The following ADAMTS2 variants were observed in gnomAD, a reference collection of about 807,000 sequenced individuals.
ADAMTS2 encodes A disintegrin and metalloproteinase with thrombospondin motifs 2.
ADAMTS2 carries 50 observed loss-of-function variants against 123.0 expected under a neutral mutation model. The observed-to-expected ratio is 0.41, with a 90% CI of 0.32 to 0.51. ADAMTS2 has a LOEUF of 0.51. Ranked by LOEUF, ADAMTS2 falls within the 20% of genes least tolerant of loss-of-function variation. ADAMTS2 has a pLI of 0.35. For missense variants in ADAMTS2, 1,494 were observed against 1,705.2 expected, an observed-to-expected ratio of 0.88 and a Z score of 2.18; for synonymous variants, 678 against 695.4, an observed-to-expected ratio of 0.98 and a Z score of 0.39.
At chr5:179,217,332 T>C (rs1367674349) in intron 3 of ADAMTS2, among the ~76,000 whole-genome samples, 4 of 152,248 alleles carry the variant, frequency 2.6e-5, no homozygotes, top group Non-Finnish European at 5.9e-5. Flanking sequence ...GCAACACTCA[T>C]GTTGCAAAAA....
rs1478945409 is a variant in ADAMTS2, at chr5:179,188,687, C to A, written c.892-7532G>T. On this transcript the variant is annotated intron_variant, in intron 4 of 21. Transcript: ENST00000251582. This position sits in a 1 kb window ranked among gnomAD's most constrained non-coding sequence, Gnocchi z 5.1. ...GTGGTCAGAGTCCCCTCCTTCAATA[C>A]CCAGCGCAGGAACACTCTGCCCAAG... 6.6e-6 allele frequency among the ~76,000 whole-genome samples: 1 copy of A among 152,118 alleles called. No homozygotes were observed. The highest frequency in any genetic ancestry group is 2.4e-5 in the African/African-American group (1 of 41,418).
intron 3 of ADAMTS2, among the ~76,000 whole-genome samples, chr5:179,233,153 A>G (rs1561610456): frequency 6.6e-6 from 1 of 152,244 alleles, no homozygotes; most frequent in Non-Finnish European, 1.5e-5. Context: ...GTAAATATCA[A>G]GTATAATTTG....
At position 179,132,866 on chromosome 5, in the gene ADAMTS2, T is replaced by G. The variant is rs968269661; in HGVS notation, c.2120A>C (p.Lys707Thr). 6.2e-7 allele frequency: 1 copy of G among 1,613,946 alleles called. No individual in the cohort carries two copies. The highest frequency in any genetic ancestry group is 1.7e-5 in the Admixed American group (1 of 59,996). The change falls in exon 14 of 22, where the codon AAG (lysine) becomes ACG (threonine). Residue 707 changes from lysine (K) to threonine (T), a missense_variant. By Grantham distance (78) the Lys-to-Thr change is moderately conservative. Coordinates refer to ENST00000251582, the MANE Select transcript of ADAMTS2 (RefSeq NM_014244.5). The surrounding 1 kb of genome is among the most constrained non-coding windows in gnomAD (Gnocchi z 6.1). The stretch of plus-strand genomic sequence containing the variant: ...GCACACGCCACACTTGTCTTCCTGC[T>G]TGCTGGAGCCGATCACACCGTCACA... ...VGCDGVIGSSKQEDKCGVCGG... is the reference protein window; with the variant it reads ...VGCDGVIGSSTQEDKCGVCGG...
At chr5:179,157,475 C>T (rs1364800943) in intron 6 of ADAMTS2, among the ~76,000 whole-genome samples, 1 of 151,750 alleles carries the variant, frequency 6.6e-6, no homozygotes, top group East Asian at 1.9e-4. Flanking sequence ...CCTAGCTATG[C>T]TATTAGGTGC....
Position 179,111,243 on chromosome 5 carries a change from T to C in ADAMTS2, c.*2624A>G, listed in dbSNP as rs1762561890. 6.6e-6 allele frequency: 1 copy of C among 152,198 alleles called. No homozygotes were observed. Among genetic ancestry groups the C allele is most frequent in the Admixed American group, 6.5e-5 (1 of 15,274 alleles). The allele number at this position is 152,198 out of a possible 1,614,324, so 9.4% of individuals were successfully genotyped here. A position where few individuals can be genotyped will look rare whatever the true frequency, so the allele number is the denominator to read the frequency against. ...AGGGACACTGTTGCAGATTTTCTAG[T>C]GCAGCGGAAGGTCTGAGTCTCATCA... On this transcript the variant is annotated 3_prime_UTR_variant, in exon 22 of 22. Coordinates refer to ENST00000251582, the MANE Select transcript of ADAMTS2 (RefSeq NM_014244.5).
At chr5:179,121,338 C>G (rs7735735) in intron 21 of ADAMTS2, 2 of 194,718 alleles carry the variant, frequency 1.0e-5, no homozygotes, top group African/African-American at 4.7e-5. Flanking sequence ...GACCGCGAAC[C>G]CCCCCGGGCC....
At chr5:179,154,262 G>A (rs1763424507) in intron 7 of ADAMTS2, 70 bp from the exon 8 acceptor site, 1 of 1,531,366 alleles carries the variant, frequency 6.5e-7, no homozygotes, top group African/African-American at 1.4e-5. Flanking sequence ...CCACCCCGAT[G>A]ATAGGAGGGT....
chr5:179,167,938 G>A (rs1763738813), intron 5 of ADAMTS2, among the ~76,000 whole-genome samples: 2 of 152,180 alleles, frequency 1.3e-5, no homozygotes, highest in South Asian at 4.1e-4. Context: ...CCTACCCGCT[G>A]GGGCTGGCTC....
chr5:179,338,513 G>A (rs1451094745), intron 2 of ADAMTS2, among the ~76,000 whole-genome samples: 2 of 152,164 alleles, frequency 1.3e-5, no homozygotes, highest in East Asian at 1.9e-4. Context: ...GCAGGGGAGG[G>A]AGTCATTGCC....
At chr5:179,286,653 G>T (rs944729522) in intron 2 of ADAMTS2, among the ~76,000 whole-genome samples, 1 of 152,130 alleles carries the variant, frequency 6.6e-6, no homozygotes, top group Admixed American at 6.5e-5. Flanking sequence ...CAGGTAGACT[G>T]CCAGCACCCC....
intron 2 of ADAMTS2, among the ~76,000 whole-genome samples, chr5:179,329,115 C>T (rs1323021097): frequency 6.6e-6 from 1 of 152,116 alleles, no homozygotes; most frequent in African/African-American, 2.4e-5. Flanking sequence ...ATCACGAGGT[C>T]AGGAGATGGA....
rs1455522373 is a variant in ADAMTS2 at position 179,128,645 on chromosome 5, G to A, written c.2458-527C>T. On this transcript the variant is annotated intron_variant, in intron 16 of 21. Transcript: ENST00000251582. This position sits in a 1 kb window ranked among gnomAD's most constrained non-coding sequence, Gnocchi z 4.9. ...TGACCTCAAGTGATCCACCCGCCTC[G>A]GCCTCCCAAAGTACTGGGATTACAG... Among the ~76,000 whole-genome samples, 3 of 152,004 alleles carry A rather than the reference G, an allele frequency of 2.0e-5. No homozygotes were observed. The highest frequency in any genetic ancestry group is 6.6e-5 in the Admixed American group (1 of 15,242).
chr5:179,240,509 C>A (rs1456508565), intron 3 of ADAMTS2, among the ~76,000 whole-genome samples: 1 of 152,028 alleles, frequency 6.6e-6, no homozygotes, highest in Non-Finnish European at 1.5e-5. Context: ...AAAAGGGAAC[C>A]GGGAAAATAG....
At chr5:179,166,840 T>C (rs753352161) in intron 5 of ADAMTS2, among the ~76,000 whole-genome samples, 1 of 152,174 alleles carries the variant, frequency 6.6e-6, no homozygotes, top group Non-Finnish European at 1.5e-5. Flanking sequence ...CTGCCCTCAG[T>C]AGCCCCACTC....
At chr5:179,201,084 C>A (rs1261789802) in intron 4 of ADAMTS2, among the ~76,000 whole-genome samples, 2 of 152,194 alleles carry the variant, frequency 1.3e-5, no homozygotes, top group Non-Finnish European at 2.9e-5. Context: ...AATTAAATTA[C>A]CACTGCTCAA....
intron 5 of ADAMTS2, among the ~76,000 whole-genome samples, chr5:179,174,565 T>G (rs1490253946): frequency 1.3e-5 from 2 of 152,256 alleles, no homozygotes; most frequent in Admixed American, 1.3e-4. Flanking sequence ...TTTATTAAAT[T>G]TATGTTATAT....
At chr5:179,292,283 C>T (rs1324286402) in intron 2 of ADAMTS2, among the ~76,000 whole-genome samples, 1 of 151,460 alleles carries the variant, frequency 6.6e-6, no homozygotes, top group African/African-American at 2.4e-5. Flanking sequence ...AGCATCTCCA[C>T]ACAAACAGGT....
intron 4 of ADAMTS2, among the ~76,000 whole-genome samples, chr5:179,186,817 A>G (rs1436457959): frequency 4.7e-5 from 7 of 148,234 alleles, no homozygotes; most frequent in South Asian, 2.2e-4. Flanking sequence ...GGGCTCCCCA[A>G]CGGTCCCCCT....
At chr5:179,281,976 C>T (rs970809768) in intron 2 of ADAMTS2, among the ~76,000 whole-genome samples, 6 of 152,114 alleles carry the variant, frequency 3.9e-5, no homozygotes, top group African/African-American at 1.4e-4. Context: ...AGATACTTTC[C>T]CTATTTTTAA....
Sources: allele counts gnomAD v4.1 joint callset (sites outside exome capture counted in the v4.1 genomes callset), GRCh38; gene constraint gnomAD v4.1.1; non-coding constraint Gnocchi (gnomAD v3.1); transcripts MANE v1.5; gene names NCBI Gene and HGNC (gene_info 2026-07-23, HGNC 2026-07-21).